Variants in FSTL4 observed in about 807,000 individuals in gnomAD.
The protein encoded by FSTL4 is follistatin like 4, also known as follistatin-related protein 4.
Under a neutral mutation model 78.2 loss-of-function variants are expected in FSTL4, and 28 were observed. That is an observed-to-expected ratio of 0.36 (90% CI 0.27 to 0.49). The LOEUF is 0.49. FSTL4 is among the 20% of genes least tolerant of loss of function. The pLI, the probability that FSTL4 is intolerant of heterozygous loss-of-function variation, is 0.98. For missense variants in FSTL4, 922 were observed against 1,084.9 expected (o/e 0.85, Z 2.11); for synonymous variants, 422 against 440.5 (o/e 0.96, Z 0.53).
chr5:133,561,024 G>A (rs1332969748), intron 3 of FSTL4, among the ~76,000 whole-genome samples: 2 of 151,098 alleles, frequency 1.3e-5, no homozygotes, highest in African/African-American at 2.4e-5. Flanking sequence ...GTGAGGCTGA[G>A]CTTGCAGTGA....
At chr5:133,414,120 G>A (rs1421547147) in intron 3 of FSTL4, among the ~76,000 whole-genome samples, 2 of 151,960 alleles carry the variant, frequency 1.3e-5, no homozygotes. Context: ...TGATTGTGCC[G>A]GGCACCCAAG....
chr5:133,205,921 C>A (rs1222978808), intron 14 of FSTL4, among the ~76,000 whole-genome samples: 1 of 152,156 alleles, frequency 6.6e-6, no homozygotes, highest in Non-Finnish European at 1.5e-5. Context: ...GAGTCAGACA[C>A]CCCGAGCACA....
chr5:133,395,022 T>C (rs1488312819), intron 4 of FSTL4, among the ~76,000 whole-genome samples: 1 of 152,100 alleles, frequency 6.6e-6, no homozygotes, highest in African/African-American at 2.4e-5. Flanking sequence ...TCAGGGATTG[T>C]AAACACACCA....
the FSTL4 span, among the ~76,000 whole-genome samples, chr5:133,815,583 C>T: frequency 6.6e-6 from 1 of 152,194 alleles, no homozygotes; most frequent in African/African-American, 2.4e-5. Flanking sequence ...AGGGTTCGCA[C>T]ACTGGAGATC....
intron 4 of FSTL4, among the ~76,000 whole-genome samples, chr5:133,331,380 A>C (rs1754342817): frequency 6.6e-6 from 1 of 152,150 alleles, no homozygotes; most frequent in Non-Finnish European, 1.5e-5. Context: ...CAACAAGCAG[A>C]GATTCTGGTC....
At chr5:133,305,978 T>C (rs6868719) in intron 6 of FSTL4, among the ~76,000 whole-genome samples, 128,420 of 152,250 alleles carry the variant, frequency 0.84, 54,448 homozygotes, top group African/African-American at 0.93. Flanking sequence ...AGGGCGGACC[T>C]GCTGGCCTTC....
chr5:133,497,687 T>C (rs1160304325), intron 3 of FSTL4, among the ~76,000 whole-genome samples: 1 of 152,144 alleles, frequency 6.6e-6, no homozygotes, highest in African/African-American at 2.4e-5. Flanking sequence ...TCTGATAAAC[T>C]TAGAATATGA....
chr5:133,747,770 C>T, the FSTL4 span, among the ~76,000 whole-genome samples: 17,309 of 152,246 alleles, frequency 0.11, 1,385 homozygotes, highest in African/African-American at 0.21. Context: ...TTCTCCCTAT[C>T]TTCTGACCTC....
chr5:133,219,382 G>A (rs2126784897), intron 12 of FSTL4, among the ~76,000 whole-genome samples: 1 of 152,258 alleles, frequency 6.6e-6, no homozygotes, highest in African/African-American at 2.4e-5. Context: ...TGAGACAACT[G>A]CAGCTTAGAG....
At chr5:133,762,602 T>G in the FSTL4 span, among the ~76,000 whole-genome samples, 1 of 152,178 alleles carries the variant, frequency 6.6e-6, no homozygotes. Context: ...ATCCAGAAGG[T>G]CCAGCTCCAT....
At chr5:133,504,406 C>T (rs1223688732) in intron 3 of FSTL4, among the ~76,000 whole-genome samples, 1 of 152,158 alleles carries the variant, frequency 6.6e-6, no homozygotes, top group Non-Finnish European at 1.5e-5. Context: ...TTGTACTATT[C>T]CAAACCACAA....
At chr5:133,581,363 T>C (rs1051808257) in intron 2 of FSTL4, among the ~76,000 whole-genome samples, 1 of 152,212 alleles carries the variant, frequency 6.6e-6, no homozygotes, top group African/African-American at 2.4e-5. Flanking sequence ...CACCATGAAC[T>C]TCAGTTTCCT....
intron 6 of FSTL4, among the ~76,000 whole-genome samples, chr5:133,291,118 T>A (rs1478080353): frequency 6.6e-6 from 1 of 151,564 alleles, no homozygotes; most frequent in East Asian, 1.9e-4. Flanking sequence ...AGAAGTACAA[T>A]GGGAAGGGGG....
intron 3 of FSTL4, among the ~76,000 whole-genome samples, chr5:133,463,200 T>C (rs1464054685): frequency 2.6e-5 from 4 of 152,138 alleles, no homozygotes; most frequent in Non-Finnish European, 5.9e-5. Context: ...TTTGAACAAA[T>C]TTTAGTCAGG....
intron 3 of FSTL4, among the ~76,000 whole-genome samples, chr5:133,448,712 G>C (rs1441917819): frequency 8.3e-6 from 1 of 120,444 alleles, no homozygotes; most frequent in Non-Finnish European, 1.6e-5. Context: ...AGACAGTGCG[G>C]CTTCAGAATC....
At chr5:133,634,451 G>A in the FSTL4 span, among the ~76,000 whole-genome samples, 4 of 150,986 alleles carry the variant, frequency 2.6e-5, no homozygotes, top group African/African-American at 9.8e-5. Flanking sequence ...TCAGCTCCAA[G>A]TCTGGAACAT....
the FSTL4 span, among the ~76,000 whole-genome samples, chr5:133,648,972 T>A: frequency 3.3e-5 from 5 of 152,188 alleles, no homozygotes; most frequent in Non-Finnish European, 7.4e-5. Context: ...ACTATTATAG[T>A]ATCATACAAA....
At chr5:133,612,982 C>T (rs182762470), upstream of FSTL4, among the ~76,000 whole-genome samples, 340 of 152,352 alleles carry the variant, frequency 2.2e-3, 3 homozygotes, top group Admixed American at 0.021. The surrounding 1 kb of genome is among the most constrained non-coding windows in gnomAD (Gnocchi z 6.2). Context: ...ACCCAACAAC[C>T]TGGGAAACAG....
At chr5:133,265,629 C>T (rs1358438225) in intron 6 of FSTL4, among the ~76,000 whole-genome samples, 2 of 152,180 alleles carry the variant, frequency 1.3e-5, no homozygotes, top group Non-Finnish European at 2.9e-5. Context: ...GACAAATTTG[C>T]CATGTGGTGG....
Sources: gnomAD v4.1 joint callset for allele counts (sites outside exome capture counted in the v4.1 genomes callset) on GRCh38, gnomAD v4.1.1 for gene constraint, Gnocchi (gnomAD v3.1) non-coding constraint, MANE v1.5 for transcripts, NCBI Gene and HGNC (gene_info 2026-07-23, HGNC 2026-07-21) for gene names.